CDC42SE2: variants seen among roughly 807,000 people sequenced by gnomAD.
CDC42SE2 encodes CDC42 small effector protein 2.
CDC42SE2 carries 3 observed loss-of-function variants against 11.5 expected under a neutral mutation model. That is an observed-to-expected ratio of 0.26 (90% CI 0.12 to 0.67). The LOEUF (loss-of-function observed/expected upper bound fraction) is 0.67, where lower values mean the gene tolerates loss of function less well. Ranked by LOEUF, CDC42SE2 falls within the 30% of genes least tolerant of loss-of-function variation. CDC42SE2 has a pLI of 0.80. For synonymous variants in CDC42SE2, 33 were observed against 34.8 expected, an observed-to-expected ratio of 0.95 and a Z score of 0.18; for missense variants, 82 against 106.8, an observed-to-expected ratio of 0.77 and a Z score of 1.02.
At chr5:131,282,589 T>A (rs1757258598) in intron 1 of CDC42SE2, among the ~76,000 whole-genome samples, 1 of 152,092 alleles carries the variant, frequency 6.6e-6, no homozygotes, top group Non-Finnish European at 1.5e-5. Flanking sequence ...CCTTCCTTAA[T>A]GACACCCTAA....
chr5:131,222,514 A>G, the CDC42SE2 span, among the ~76,000 whole-genome samples: 1 of 152,252 alleles, frequency 6.6e-6, no homozygotes, highest in Non-Finnish European at 1.5e-5. Flanking sequence ...GCATTATTTG[A>G]TAATGACATT....
intron 1 of CDC42SE2, among the ~76,000 whole-genome samples, chr5:131,288,087 A>G (rs1757378638): frequency 6.6e-6 from 1 of 152,040 alleles, no homozygotes; most frequent in Admixed American, 6.6e-5. Context: ...CTATCAAAAA[A>G]GTAAATAAAT....
the CDC42SE2 span, among the ~76,000 whole-genome samples, chr5:131,228,694 A>C: frequency 2.6e-5 from 4 of 152,162 alleles, no homozygotes; most frequent in Non-Finnish European, 5.9e-5. Flanking sequence ...TGAGGCCCTA[A>C]TTCCCAGTGT....
intron 1 of CDC42SE2, among the ~76,000 whole-genome samples, chr5:131,314,214 T>G (rs1757991610): frequency 6.6e-6 from 1 of 152,020 alleles, no homozygotes; most frequent in Admixed American, 6.6e-5. Context: ...CAAATGAAAT[T>G]ATTTTTTAAA....
the CDC42SE2 span, among the ~76,000 whole-genome samples, chr5:131,216,018 G>A: frequency 1.3e-5 from 2 of 152,136 alleles, no homozygotes; most frequent in African/African-American, 2.4e-5. Context: ...GTTTAGACCC[G>A]TAACAAAACT....
chr5:131,382,200 C>G (rs994297178), intron 3 of CDC42SE2, among the ~76,000 whole-genome samples: 3 of 152,206 alleles, frequency 2.0e-5, no homozygotes, highest in African/African-American at 4.8e-5. Context: ...CCATCCTTTG[C>G]TTTTCAGTGT....
the CDC42SE2 span, among the ~76,000 whole-genome samples, chr5:131,233,724 TA>T: frequency 1.3e-5 from 2 of 152,218 alleles, no homozygotes; most frequent in Non-Finnish European, 2.9e-5. Flanking sequence ...ACTATATGTA[TA>T]TTTGTAGTAT....
intron 2 of CDC42SE2, among the ~76,000 whole-genome samples, chr5:131,336,071 C>A (rs1405962761): frequency 1.3e-5 from 2 of 152,170 alleles, no homozygotes; most frequent in Non-Finnish European, 2.9e-5. Flanking sequence ...CCTTGATGAT[C>A]TTTACAATTT....
intron 4 of CDC42SE2, among the ~76,000 whole-genome samples, chr5:131,390,447 G>A (rs184412510): frequency 1.3e-5 from 2 of 152,266 alleles, no homozygotes; most frequent in Admixed American, 1.3e-4. Flanking sequence ...CACTTTGGGA[G>A]GCCGAAGCAG....
Position 131,352,788 on chromosome 5 carries a change from T to C in CDC42SE2, c.-285-6421T>C, listed in dbSNP as rs75820805. Among the ~76,000 whole-genome samples the C allele has an allele frequency of 5.8e-3, 883 of 152,304 alleles. 8 individuals carry two copies. The highest frequency in any genetic ancestry group is 0.021 in the African/African-American group (853 of 41,560). ...GTTTATTGATATTTATATTTGGTCA[T>C]TGATTAATGTTTGCATTTCTGACAG... On this transcript the variant is annotated intron_variant, in intron 2 of 4. Coordinates refer to ENST00000505065, the MANE Select transcript of CDC42SE2 (RefSeq NM_001375635.1).
chr5:131,364,947 A>G (rs1749810157), intron 3 of CDC42SE2, among the ~76,000 whole-genome samples: 1 of 152,158 alleles, frequency 6.6e-6, no homozygotes, highest in East Asian at 1.9e-4. Context: ...GTGGGGATGG[A>G]TCAGTTAGAC....
At chr5:131,385,856 C>A (rs900155918) in intron 4 of CDC42SE2, among the ~76,000 whole-genome samples, 1 of 152,114 alleles carries the variant, frequency 6.6e-6, no homozygotes, top group African/African-American at 2.4e-5. Context: ...GTTTCTGTTT[C>A]TTGTACGCAA....
intron 3 of CDC42SE2, among the ~76,000 whole-genome samples, chr5:131,374,159 T>G (rs1008430251): frequency 6.6e-6 from 1 of 152,122 alleles, no homozygotes; most frequent in African/African-American, 2.4e-5. Context: ...CTTGGTTGAA[T>G]GAAAAAGAAC....
intron 2 of CDC42SE2, among the ~76,000 whole-genome samples, chr5:131,330,537 T>A (rs1181861322): frequency 6.6e-6 from 1 of 152,142 alleles, no homozygotes; most frequent in Admixed American, 6.5e-5. Context: ...TATAATAATA[T>A]TTTTCCCCAT....
intron 1 of CDC42SE2, among the ~76,000 whole-genome samples, chr5:131,273,567 G>A (rs1382155356): frequency 6.7e-6 from 1 of 149,350 alleles, no homozygotes; most frequent in African/African-American, 2.4e-5. Context: ...TCAGGAGATC[G>A]AGACCATCCT....
intron 2 of CDC42SE2, among the ~76,000 whole-genome samples, chr5:131,323,190 C>CT (rs397884786): frequency 0.018 from 2,525 of 137,118 alleles, 68 homozygotes; most frequent in African/African-American, 0.062. Flanking sequence ...CCACACCTGG[C>CT]TTTTTTTTTT....
chr5:131,312,094 G>T (rs1368509879), intron 1 of CDC42SE2, among the ~76,000 whole-genome samples: 2 of 152,260 alleles, frequency 1.3e-5, no homozygotes, highest in African/African-American at 4.8e-5. Context: ...TTTGGTCTTT[G>T]ATGATGGTGA....
chr5:131,291,203 AATT>A (rs1314039228), intron 1 of CDC42SE2, among the ~76,000 whole-genome samples: 2 of 152,180 alleles, frequency 1.3e-5, no homozygotes, highest in African/African-American at 4.8e-5. Flanking sequence ...AATGAAGGTG[AATT>A]ATTATGGTCC....
intron 2 of CDC42SE2, among the ~76,000 whole-genome samples, chr5:131,258,989 A>C (rs1756701880): frequency 6.6e-6 from 1 of 152,186 alleles, no homozygotes; most frequent in South Asian, 2.1e-4. Context: ...GTGTAAAGCA[A>C]AGTTTGACTT....
Sources: allele counts gnomAD v4.1 joint callset (sites outside exome capture counted in the v4.1 genomes callset), GRCh38; gene constraint gnomAD v4.1.1; transcripts MANE v1.5; gene names NCBI Gene and HGNC (gene_info 2026-07-23, HGNC 2026-07-21).